Variants in MCTP2 observed in about 807,000 individuals in gnomAD.
MCTP2 encodes multiple C2 and transmembrane domain-containing protein 2.
Under a neutral mutation model 111.6 loss-of-function variants are expected in MCTP2, and 132 were observed. The observed-to-expected ratio is 1.18, with a 90% CI of 1.03 to 1.37. The LOEUF (loss-of-function observed/expected upper bound fraction) is 1.37, where lower values mean the gene tolerates loss of function less well. MCTP2 is among the 40% of genes most tolerant of loss of function. MCTP2 has a pLI of 0.00. For missense variants in MCTP2, 1,183 were observed against 1,067.9 expected, an observed-to-expected ratio of 1.11 and a Z score of -1.50; for synonymous variants, 395 against 387.7, an observed-to-expected ratio of 1.02 and a Z score of -0.22.
intron 4 of MCTP2, among the ~76,000 whole-genome samples, chr15:94,319,968 G>C (rs537544029): frequency 6.6e-6 from 1 of 152,220 alleles, no homozygotes; most frequent in East Asian, 1.9e-4. Flanking sequence ...GACTCAGATG[G>C]CATTTGTCCT....
chr15:94,470,310 A>ATATT (rs745714303), intron 20 of MCTP2, 23 bp from the exon 21 acceptor site: 7 of 1,485,878 alleles, frequency 4.7e-6, no homozygotes, highest in Middle Eastern at 1.7e-4. Flanking sequence ...AGAGGAAATT[A>ATATT]TATTTATGTG....
At chr15:94,470,476 A>C (rs774844333) in intron 21 of MCTP2, 34 bp downstream of exon 21, 1 of 1,358,360 alleles carries the variant, frequency 7.4e-7, no homozygotes, top group Non-Finnish European at 1.1e-6. Context: ...CTAGCAATCA[A>C]TTCCAGGTAA....
rs1209226165 is a variant in MCTP2, at chr15:94,340,189, C to T, written c.781-10C>T. 6.3e-7 allele frequency: 1 copy of T among 1,598,632 alleles called. No individual in the cohort carries two copies. Among genetic ancestry groups the T allele is most frequent in the Non-Finnish European group, 8.6e-7 (1 of 1,167,188 alleles). On this transcript the variant is annotated splice_polypyrimidine_tract_variant and intron_variant, in intron 5 of 22. Coordinates refer to ENST00000357742, the MANE Select transcript of MCTP2 (RefSeq NM_001385001.1). The stretch of plus-strand genomic sequence containing the variant: ...AATAATGTGTTAATTGACCTCTGTC[C>T]TCTTTGTAGGTATATGATCGAGATT...
chr15:94,402,918 C>T (rs1218288354), intron 17 of MCTP2: 1 of 1,068,282 alleles, frequency 9.4e-7, no homozygotes, highest in Non-Finnish European at 1.1e-6. Flanking sequence ...TGTGGTTCTG[C>T]TTCTGTTTTC....
At chr15:94,280,768 A>G (rs2074440429) in intron 1 of MCTP2, among the ~76,000 whole-genome samples, 1 of 152,138 alleles carries the variant, frequency 6.6e-6, no homozygotes, top group Admixed American at 6.5e-5. Context: ...ACTGTGTCCC[A>G]GAGATTCTGA....
rs768215100 is a variant in MCTP2 at position 94,298,282 on chromosome 15, C to T, written c.17C>T (p.Pro6Leu). 6.2e-7 allele frequency: 1 copy of T among 1,611,798 alleles called. No individual in the cohort carries two copies. Among genetic ancestry groups the T allele is most frequent in the South Asian group, 1.1e-5 (1 of 90,814 alleles). ...CATGCAGCCATGGATCTGGATAAACCATCTGTTTGGGGCTCATTAAAACAG... is the reference window on the plus strand; with the variant it reads ...CATGCAGCCATGGATCTGGATAAACTATCTGTTTGGGGCTCATTAAAACAG... MDLDK[P>L]SVWGSLKQRT... is the part of the protein sequence containing the mutation. The change falls in exon 2 of 23, where the codon CCA (proline) becomes CTA (leucine). Residue 6 changes from proline to leucine, a missense_variant. Transcript: ENST00000357742.
At chr15:94,289,832 C>T (rs1195033984) in intron 1 of MCTP2, among the ~76,000 whole-genome samples, 1 of 152,146 alleles carries the variant, frequency 6.6e-6, no homozygotes, top group East Asian at 1.9e-4. Context: ...TTATGTGGCA[C>T]AAAGGACTTG....
Position 94,358,624 on chromosome 15 carries a change from C to G in MCTP2, c.1301+12C>G. On this transcript the variant is annotated intron_variant, in intron 10 of 22. Coordinates refer to ENST00000357742, the MANE Select transcript of MCTP2 (RefSeq NM_001385001.1). ...GAACGTCTGGGCACGTGAGTCCCCTCTGCTTTCCAGTGGCGGGAGCATGTT... is the reference window on the plus strand; with the variant it reads ...GAACGTCTGGGCACGTGAGTCCCCTGTGCTTTCCAGTGGCGGGAGCATGTT... 6.2e-7 allele frequency: 1 copy of G among 1,612,888 alleles called. No individual in the cohort carries two copies. The highest frequency in any genetic ancestry group is 8.5e-7 in the Non-Finnish European group (1 of 1,179,342).
chr15:94,445,765 CAGTG>C (rs1452341905), intron 19 of MCTP2, among the ~76,000 whole-genome samples: 1 of 152,190 alleles, frequency 6.6e-6, no homozygotes, highest in African/African-American at 2.4e-5. Flanking sequence ...GTAACACACT[CAGTG>C]AGAGATGAAC....
At chr15:94,420,514 T>C (rs2152493204) in intron 17 of MCTP2, among the ~76,000 whole-genome samples, 1 of 151,944 alleles carries the variant, frequency 6.6e-6, no homozygotes, top group African/African-American at 2.4e-5. Flanking sequence ...TGGGAGGAGG[T>C]TAAAATATCA....
At chr15:94,276,037 G>C (rs1023253493) in intron 1 of MCTP2, among the ~76,000 whole-genome samples, 1 of 151,848 alleles carries the variant, frequency 6.6e-6, no homozygotes, top group South Asian at 2.1e-4. Context: ...GTAGAGATGG[G>C]ATTTCACCGT....
In MCTP2 at chr15:94,339,332, C is replaced by T. The variant is rs142693579; in HGVS notation, c.680C>T (p.Thr227Met). The change falls in exon 5 of 23, where the codon ACG becomes ATG. Residue 227 changes from threonine to methionine, a missense_variant. Transcript: ENST00000357742. ...GTGAAATTTAAGCTGAATGGGAAGA[C>T]GCTGTACAAAAGTAAAGTCATATAT... ...PYVKFKLNGK[T>M]LYKSKVIYKN... 3.5e-5 allele frequency: 56 copies of T among 1,610,184 alleles called. No homozygotes were observed. Among genetic ancestry groups the T allele is most frequent in the Admixed American group, 1.7e-4 (10 of 59,638 alleles).
intron 4 of MCTP2, among the ~76,000 whole-genome samples, chr15:94,317,098 C>T (rs574458881): frequency 2.0e-5 from 3 of 152,076 alleles, no homozygotes; most frequent in East Asian, 1.9e-4. Flanking sequence ...TTTTTATAAC[C>T]TATTTTGTTT....
rs2079261507 is a variant in MCTP2, at chr15:94,367,607, G to A, written c.1304G>A (p.Cys435Tyr). The A allele has an allele frequency of 1.9e-6, 3 of 1,609,536 alleles. No homozygotes were observed. Among genetic ancestry groups the A allele is most frequent in the Non-Finnish European group, 2.5e-6 (3 of 1,178,044 alleles). ...NKKHEERLGT[C>Y]KVDISALPLK... is the part of the protein sequence containing the mutation. ...CTTGATTCCTGAAACTTTTCTAGGT[G>A]TAAAGTGGATATCTCGGCACTCCCT... Residue 435 changes from cysteine to tyrosine, a missense_variant and splice_region_variant, in exon 11 of 23, where the codon TGT (cysteine) becomes TAT (tyrosine). Coordinates refer to ENST00000357742, the MANE Select transcript of MCTP2 (RefSeq NM_001385001.1).
At chr15:94,413,208 G>A (rs148915603) in intron 17 of MCTP2, among the ~76,000 whole-genome samples, 169 of 152,174 alleles carry the variant, frequency 1.1e-3, no homozygotes, top group African/African-American at 3.5e-3. Context: ...GCTACTTCTT[G>A]GGGATTTTAA....
At chr15:94,257,566 G>GTTTTTTTT (rs1220635423) in intron 1 of MCTP2, among the ~76,000 whole-genome samples, 5 of 73,002 alleles carry the variant, frequency 6.8e-5, no homozygotes, top group Non-Finnish European at 8.0e-5. Flanking sequence ...CATTTTCTTT[G>GTTTTTTTT]TTGTTTTTTT....
At chr15:94,262,231 C>G (rs1244760755) in intron 1 of MCTP2, among the ~76,000 whole-genome samples, 1 of 152,104 alleles carries the variant, frequency 6.6e-6, no homozygotes. Context: ...TTAAATATAA[C>G]ATTTCATGAT....
intron 2 of MCTP2, among the ~76,000 whole-genome samples, chr15:94,313,858 G>A (rs1264795377): frequency 2.6e-5 from 4 of 152,206 alleles, no homozygotes; most frequent in Non-Finnish European, 5.9e-5. Flanking sequence ...ATCACTCTTT[G>A]AAACGTTTCC....
intron 1 of MCTP2, among the ~76,000 whole-genome samples, chr15:94,235,847 T>C (rs904262100): frequency 5.3e-5 from 8 of 152,228 alleles, no homozygotes; most frequent in Non-Finnish European, 7.3e-5. Flanking sequence ...TCGATGCCAC[T>C]GTTATGTGTT....
Sources: gnomAD v4.1 joint callset for allele counts (sites outside exome capture counted in the v4.1 genomes callset) on GRCh38, gnomAD v4.1.1 for gene constraint, MANE v1.5 for transcripts, NCBI Gene and HGNC (gene_info 2026-07-23, HGNC 2026-07-21) for gene names.